The following CFAP61 variants were observed in gnomAD, a reference collection of about 807,000 sequenced individuals.
The protein encoded by CFAP61 is cilia and flagella associated protein 61, also known as cilia- and flagella-associated protein 61.
CFAP61 carries 107 observed loss-of-function variants against 135.6 expected under a neutral mutation model. The observed-to-expected ratio is 0.79, with a 90% CI of 0.67 to 0.93. The LOEUF is 0.93. CFAP61 is among the 40% of genes least tolerant of loss of function. CFAP61 has a pLI of 0.00. For synonymous variants in CFAP61, 575 were observed against 578.5 expected (o/e 0.99, Z 0.09); for missense variants, 1,507 against 1,556.2 (o/e 0.97, Z 0.53).
chr20:20,056,921 C>A, intron 2 of CFAP61, 125 bp downstream of exon 2: 2 of 794,890 alleles, frequency 2.5e-6, no homozygotes, highest in South Asian at 1.7e-5. Context: ...AGTTCAAGAC[C>A]AGCCTGGCCG....
At chr20:20,295,822 G>C (rs1487155754) in intron 24 of CFAP61, among the ~76,000 whole-genome samples, 5 of 151,430 alleles carry the variant, frequency 3.3e-5, no homozygotes, top group Admixed American at 3.3e-4. Context: ...ACACGGGAAT[G>C]AGCAAAGCCC....
At chr20:20,189,993 C>T (rs2055805538) in intron 14 of CFAP61, among the ~76,000 whole-genome samples, 2 of 152,118 alleles carry the variant, frequency 1.3e-5, no homozygotes, top group African/African-American at 4.8e-5. Flanking sequence ...CCATATTGGC[C>T]AGGCTGGTCT....
intron 25 of CFAP61, among the ~76,000 whole-genome samples, chr20:20,320,753 T>A (rs73118478): frequency 4.2e-4 from 63 of 150,790 alleles, no homozygotes; most frequent in Admixed American, 1.9e-3. Context: ...AAAATTCTCA[T>A]AATAAGGAGT....
intron 25 of CFAP61, among the ~76,000 whole-genome samples, chr20:20,313,429 C>T (rs4813383): frequency 0.15 from 22,777 of 152,184 alleles, 1,894 homozygotes; most frequent in East Asian, 0.28. Flanking sequence ...TTTATATCCC[C>T]GCAATTCAGT....
intron 26 of CFAP61, among the ~76,000 whole-genome samples, chr20:20,351,518 A>G (rs6046813): frequency 1 from 151,043 of 151,058 alleles, 75,514 homozygotes; most frequent in Middle Eastern, 1. Context: ...GGAGGCGGAG[A>G]TTGCAGTGAG....
At chr20:20,212,607 C>G (rs530594647) in intron 17 of CFAP61, among the ~76,000 whole-genome samples, 1 of 152,076 alleles carries the variant, frequency 6.6e-6, no homozygotes, top group African/African-American at 2.4e-5. Context: ...TCCATGAGCC[C>G]GATAAACACC....
At chr20:20,167,429 T>C (rs1453518855) in intron 12 of CFAP61, among the ~76,000 whole-genome samples, 1 of 152,234 alleles carries the variant, frequency 6.6e-6, no homozygotes, top group Admixed American at 6.5e-5. Context: ...ATTTCACTAA[T>C]TTTAATTATT....
intron 8 of CFAP61, among the ~76,000 whole-genome samples, chr20:20,136,486 C>T (rs2050936745): frequency 6.7e-6 from 1 of 150,330 alleles, no homozygotes; most frequent in Non-Finnish European, 1.5e-5. Flanking sequence ...TTCAAGCTCA[C>T]TAATTCTTTC....
At chr20:20,183,618 A>T (rs1031218259) in intron 13 of CFAP61, among the ~76,000 whole-genome samples, 13 of 152,372 alleles carry the variant, frequency 8.5e-5, no homozygotes, top group African/African-American at 3.1e-4. Flanking sequence ...TTTAAAAATC[A>T]AAAAGTAGGT....
chr20:20,355,313 G>A (rs1341772208), intron 26 of CFAP61, among the ~76,000 whole-genome samples: 161 of 141,094 alleles, frequency 1.1e-3, no homozygotes, highest in African/African-American at 4.1e-3. Context: ...CTGAGGGGAG[G>A]TAGTGACACT....
At chr20:20,180,173 G>A (rs1022631663) in intron 13 of CFAP61, among the ~76,000 whole-genome samples, 2 of 151,974 alleles carry the variant, frequency 1.3e-5, no homozygotes, top group African/African-American at 4.8e-5. Flanking sequence ...AAATTTACAA[G>A]GGAAAAACAA....
At chr20:20,319,739 T>C (rs2057340607) in intron 25 of CFAP61, among the ~76,000 whole-genome samples, 2 of 152,220 alleles carry the variant, frequency 1.3e-5, no homozygotes, top group South Asian at 4.1e-4. Flanking sequence ...ACAATTACCA[T>C]CCATCAAGTA....
At chr20:20,315,577 A>T (rs2057081116) in intron 25 of CFAP61, among the ~76,000 whole-genome samples, 1 of 151,436 alleles carries the variant, frequency 6.6e-6, no homozygotes, top group Admixed American at 6.6e-5. Flanking sequence ...TTTTGTTGCC[A>T]TTGCTTTTGG....
Position 20,274,069 on chromosome 20 carries a change from T to C in CFAP61, c.2504-3097T>C, listed in dbSNP as rs150491574. ...CCAAAATATAAGACTTTGGTTATTC[T>C]AAGAGTTAGCACCATGCTTATATTT... On this transcript the variant is annotated intron_variant, in intron 21 of 26. Transcript: ENST00000245957. Among the ~76,000 whole-genome samples, 1,412 of 152,358 alleles carry C rather than the reference T, an allele frequency of 9.3e-3. 26 individuals are homozygous for C. Among genetic ancestry groups the C allele is most frequent in the African/African-American group, 0.032 (1,347 of 41,588 alleles).
intron 2 of CFAP61, among the ~76,000 whole-genome samples, chr20:20,069,367 G>A (rs777673669): frequency 2.6e-5 from 4 of 152,220 alleles, no homozygotes; most frequent in South Asian, 2.1e-4. Context: ...TGCAGCCTCT[G>A]GCTGCTGGGT....
At chr20:20,215,652 A>G (rs2047997502) in intron 17 of CFAP61, among the ~76,000 whole-genome samples, 1 of 152,208 alleles carries the variant, frequency 6.6e-6, no homozygotes, top group Non-Finnish European at 1.5e-5. Context: ...AAATAATACC[A>G]CGTGACTCCT....
intron 9 of CFAP61, among the ~76,000 whole-genome samples, chr20:20,157,527 A>G (rs1417574895): frequency 6.6e-6 from 1 of 152,242 alleles, no homozygotes; most frequent in Non-Finnish European, 1.5e-5. Context: ...TGGAGAAAGA[A>G]TAGTCTTTTC....
In CFAP61 at chr20:20,196,592, A is replaced by G. The variant is rs1182634186; in HGVS notation, c.1613A>G (p.His538Arg). ...NEMDIEYIRS[H>R]YNIEDFIYFS... ...TAGGACATTGAGTACATACGGTCCC[A>G]TTACAACATTGAAGATTTCATCTAC... Residue 538 changes from histidine to arginine, a missense_variant, in exon 16 of 27, where the codon CAT becomes CGT. Transcript: ENST00000245957. The G allele has an allele frequency of 6.2e-7, 1 of 1,613,900 alleles. No individual in the cohort carries two copies. The highest frequency in any genetic ancestry group is 8.5e-7 in the Non-Finnish European group (1 of 1,179,890).
chr20:20,142,517 T>C (rs948443039), intron 8 of CFAP61, among the ~76,000 whole-genome samples: 10 of 152,222 alleles, frequency 6.6e-5, no homozygotes, highest in African/African-American at 2.4e-4. Context: ...AGGAACCCAT[T>C]GCCCAGGGAC....
Sources: gnomAD v4.1 joint callset for allele counts (sites outside exome capture counted in the v4.1 genomes callset) on GRCh38, gnomAD v4.1.1 for gene constraint, MANE v1.5 for transcripts, NCBI Gene and HGNC (gene_info 2026-07-23, HGNC 2026-07-21) for gene names.